The following PNPLA7 variants were observed in gnomAD, a reference collection of about 807,000 sequenced individuals.
PNPLA7 encodes the protein patatin like domain 7, lysophospholipase, also known as patatin-like phospholipase domain-containing protein 7.
A neutral mutation model predicts 161.7 loss-of-function variants in PNPLA7; 153 were observed. That is an observed-to-expected ratio of 0.95 (90% CI 0.83 to 1.08). The LOEUF is 1.08. Among genes scored for constraint, PNPLA7 ranks in the 50% least tolerant of loss-of-function variants. The pLI is 0.00. For synonymous variants in PNPLA7, 809 were observed against 782.1 expected (o/e 1.03, Z -0.57); for missense variants, 1,739 against 1,856.6 (o/e 0.94, Z 1.16).
chr9:137,522,297 A>G (rs1028770127), intron 9 of PNPLA7, among the ~76,000 whole-genome samples: 7 of 150,222 alleles, frequency 4.7e-5, no homozygotes, highest in African/African-American at 1.0e-4. Flanking sequence ...GATGGTCTCG[A>G]TCTCCTGACC....
intron 20 of PNPLA7, among the ~76,000 whole-genome samples, chr9:137,487,852 C>T (rs903825421): frequency 2.0e-5 from 3 of 152,164 alleles, no homozygotes; most frequent in Non-Finnish European, 4.4e-5. Flanking sequence ...GGGCCACCAC[C>T]ACAACCTGGC....
intron 8 of PNPLA7, among the ~76,000 whole-genome samples, chr9:137,533,092 G>A (rs1431836666): frequency 3.4e-5 from 5 of 148,032 alleles, no homozygotes; most frequent in Middle Eastern, 3.8e-3. Context: ...TCCTCAGTGA[G>A]TGTCCACTCC....
intron 33 of PNPLA7, chr9:137,461,235 T>G: frequency 2.5e-6 from 1 of 393,044 alleles, no homozygotes. Context: ...TTCATTCCCA[T>G]TTCCCACTGG....
rs1156836300 is a variant in PNPLA7, at chr9:137,476,302, T to C, written c.2882+1732A>G. The stretch of plus-strand genomic sequence containing the variant: ...AACTCCAAGGAAGGAACTTCAATCA[T>C]AGGATAGGATAGGATGTGACTTAGT... On this transcript the variant is annotated intron_variant, in intron 25 of 34. Coordinates refer to ENST00000406427, the MANE Select transcript of PNPLA7 (RefSeq NM_001098537.3). The surrounding 1 kb of genome is among the most constrained non-coding windows in gnomAD (Gnocchi z 4.5). Among the ~76,000 whole-genome samples, 1 of 151,988 alleles carries C rather than the reference T, an allele frequency of 6.6e-6. No homozygotes were observed. The highest frequency in any genetic ancestry group is 1.5e-5 in the Non-Finnish European group (1 of 67,986).
chr9:137,489,325 T>C (rs1042275369), intron 20 of PNPLA7, among the ~76,000 whole-genome samples: 3 of 152,164 alleles, frequency 2.0e-5, no homozygotes, highest in African/African-American at 7.2e-5. Context: ...TCCACAAACG[T>C]TGGCCAGGAC....
At chr9:137,512,051 G>C (rs946060589) in intron 12 of PNPLA7, among the ~76,000 whole-genome samples, 1 of 152,210 alleles carries the variant, frequency 6.6e-6, no homozygotes, top group Non-Finnish European at 1.5e-5. Flanking sequence ...CGCACTGGTG[G>C]TAGTGGCCTC....
Position 137,541,417 on chromosome 9 carries a change from C to CT in PNPLA7, c.667-696dup. The CT allele has an allele frequency of 1.0e-6, 1 of 985,436 alleles. No individual in the cohort carries two copies. The highest frequency in any genetic ancestry group is 1.2e-6 in the Non-Finnish European group (1 of 829,918). 61.0% of individuals were successfully genotyped at this position (985,436 alleles called of 1,614,324 possible). A position where few individuals can be genotyped will look rare whatever the true frequency, so the allele number is the denominator to read the frequency against. ...TCCAGCCACAGACAAAGCGACAAAC[C>CT]TGAGAACCAAATAATTTGCCCAGCA... On this transcript the variant is annotated intron_variant, in intron 7 of 34. Transcript: ENST00000406427. The surrounding 1 kb of genome is among the most constrained non-coding windows in gnomAD (Gnocchi z 4.4).
Position 137,461,362 on chromosome 9 carries a change from A to G in PNPLA7, c.3841+174T>C, listed in dbSNP as rs58636691. ...GTGGTCACAGTCCCACTGCTGTGGG[A>G]ACACGTGGTGCCCGGGACGGAGGAG... is the stretch of plus-strand genomic sequence containing the variant. On this transcript the variant is annotated intron_variant, in intron 33 of 34. Coordinates refer to ENST00000406427, the MANE Select transcript of PNPLA7 (RefSeq NM_001098537.3). The G allele has an allele frequency of 1.8e-3, 1,224 of 663,476 alleles. 13 individuals carry two copies. The highest frequency in any genetic ancestry group is 0.015 in the African/African-American group (804 of 54,762). 41.1% of individuals were successfully genotyped at this position (663,476 alleles called of 1,614,324 possible). A position where few individuals can be genotyped will look rare whatever the true frequency, so the allele number is the denominator to read the frequency against.
intron 17 of PNPLA7, 134 bp downstream of exon 17, chr9:137,497,980 A>T (rs1373546021): frequency 7.2e-7 from 1 of 1,390,322 alleles, no homozygotes; most frequent in East Asian, 2.3e-5. Context: ...GGGGCTGGGG[A>T]AATCCAGCCT....
rs1490049794 is a variant in PNPLA7 at position 137,537,767 on chromosome 9, C to G, written c.747+2875G>C. 6.6e-6 allele frequency among the ~76,000 whole-genome samples: 1 copy of G among 152,192 alleles called. No homozygotes were observed. Among genetic ancestry groups the G allele is most frequent in the African/African-American group, 2.4e-5 (1 of 41,416 alleles). ...AGCGCACAGCTCCCCTCTCCTGGAA[C>G]AGGCATGGCTGCACTGTGATAAGTG... is the stretch of plus-strand genomic sequence containing the variant. On this transcript the variant is annotated intron_variant, in intron 8 of 34. Coordinates refer to ENST00000406427, the MANE Select transcript of PNPLA7 (RefSeq NM_001098537.3). The surrounding 1 kb of genome is among the most constrained non-coding windows in gnomAD (Gnocchi z 4.5).
intron 20 of PNPLA7, among the ~76,000 whole-genome samples, chr9:137,487,296 C>T (rs192456864): frequency 1.8e-3 from 280 of 152,354 alleles, no homozygotes; most frequent in African/African-American, 6.5e-3. Flanking sequence ...GCGCTGGAGA[C>T]GTGCAGAGGC....
At position 137,490,391 on chromosome 9, in the gene PNPLA7, G is replaced by C. The variant is rs982396463; in HGVS notation, c.2197+2622C>G. ...GGATGAGGTGTAAGACACTGTGCCT[G>C]GTCAAAACATTCTTGAACACAGCTA... On this transcript the variant is annotated intron_variant, in intron 20 of 34. Coordinates refer to ENST00000406427, the MANE Select transcript of PNPLA7 (RefSeq NM_001098537.3). The surrounding 1 kb of genome is among the most constrained non-coding windows in gnomAD (Gnocchi z 4.1). 2.0e-5 allele frequency among the ~76,000 whole-genome samples: 3 copies of C among 152,142 alleles called. No individual in the cohort carries two copies. The highest frequency in any genetic ancestry group is 4.8e-5 in the African/African-American group (2 of 41,420).
At position 137,540,052 on chromosome 9, in the gene PNPLA7, G is replaced by A. The variant is rs930793486; in HGVS notation, c.747+590C>T. 2.0e-5 allele frequency among the ~76,000 whole-genome samples: 3 copies of A among 152,212 alleles called. No homozygotes were observed. The highest frequency in any genetic ancestry group is 2.0e-4 in the Admixed American group (3 of 15,292). On this transcript the variant is annotated intron_variant, in intron 8 of 34. Coordinates refer to ENST00000406427, the MANE Select transcript of PNPLA7 (RefSeq NM_001098537.3). This position sits in a 1 kb window ranked among gnomAD's most constrained non-coding sequence, Gnocchi z 5.1. ...ACCCACCTCAGCCTCGCAAAGTGCT[G>A]GGATTACAGGTGTGAGCCACTGCGC...
intron 25 of PNPLA7, among the ~76,000 whole-genome samples, chr9:137,471,542 G>A (rs1831705906): frequency 6.7e-6 from 1 of 148,190 alleles, no homozygotes; most frequent in Non-Finnish European, 1.5e-5. Flanking sequence ...AAATTGCAGT[G>A]AGCCGAGATC....
intron 8 of PNPLA7, among the ~76,000 whole-genome samples, chr9:137,532,175 A>G (rs1038513566): frequency 6.6e-6 from 1 of 152,234 alleles, no homozygotes; most frequent in Non-Finnish European, 1.5e-5. Context: ...GGTGGTTCAC[A>G]CCTATAATCC....
chr9:137,495,225 T>A (rs529511856), intron 18 of PNPLA7, 79 bp from the exon 19 acceptor site: 229 of 1,020,888 alleles, frequency 2.2e-4, no homozygotes, highest in Non-Finnish European at 3.1e-4. Context: ...CAGCCTCCGG[T>A]GCCTGCCAGA....
Position 137,461,625 on chromosome 9 carries a change from G to T in PNPLA7, c.3757-5C>A. The T allele has an allele frequency of 6.2e-7, 1 of 1,609,370 alleles. No individual in the cohort carries two copies. The highest frequency in any genetic ancestry group is 8.5e-7 in the Non-Finnish European group (1 of 1,177,622). ...GGCGTTGGGACAGGTGAGGACCTAG[G>T]GGTGGGGTGAGGACAGCACGTTGCC... On this transcript the variant is annotated splice_region_variant and splice_polypyrimidine_tract_variant and intron_variant, in intron 32 of 34. Transcript: ENST00000406427.
intron 20 of PNPLA7, among the ~76,000 whole-genome samples, chr9:137,485,671 AGCCCTGGGAAGCCTGGGCCAG>A (rs1228981683): frequency 6.6e-6 from 1 of 152,236 alleles, no homozygotes; most frequent in African/African-American, 2.4e-5. Context: ...AGCACAGCGC[AGCCCTGGGAAGCCTGGGCCAG>A]GCCCTGGAGA....
At chr9:137,510,796 G>T (rs1834182803) in intron 12 of PNPLA7, among the ~76,000 whole-genome samples, 1 of 152,234 alleles carries the variant, frequency 6.6e-6, no homozygotes, top group Non-Finnish European at 1.5e-5. Flanking sequence ...AACGCCACCA[G>T]GCAGTGCCCC....
Sources: allele counts gnomAD v4.1 joint callset (sites outside exome capture counted in the v4.1 genomes callset), GRCh38; gene constraint gnomAD v4.1.1; non-coding constraint Gnocchi (gnomAD v3.1); transcripts MANE v1.5; gene names NCBI Gene and HGNC (gene_info 2026-07-23, HGNC 2026-07-21).